Variants in MRC2 observed in about 807,000 individuals in gnomAD.
The protein encoded by MRC2 is C-type mannose receptor 2.
Under a neutral mutation model 206.2 loss-of-function variants are expected in MRC2, and 84 were observed. The ratio of observed to expected loss-of-function variants is 0.41; its 90% confidence interval spans 0.34 to 0.49. The LOEUF is 0.49. Ranked by LOEUF, MRC2 falls within the 20% of genes least tolerant of loss-of-function variation. MRC2 has a pLI of 0.31. For synonymous variants in MRC2, 798 were observed against 800.0 expected, an observed-to-expected ratio of 1.00 and a Z score of 0.04; for missense variants, 1,676 against 2,001.5, an observed-to-expected ratio of 0.84 and a Z score of 3.10.
Position 62,682,264 on chromosome 17 carries a change from G to C in MRC2, c.2833G>C (p.Ala945Pro), listed in dbSNP as rs1472277488. The C allele has an allele frequency of 6.2e-7, 1 of 1,601,618 alleles. No homozygotes were observed. Among genetic ancestry groups the C allele is most frequent in the Non-Finnish European group, 8.5e-7 (1 of 1,173,716 alleles). Residue 945 changes from alanine (A) to proline (P), a missense_variant, in exon 20 of 30, where the codon GCC (alanine) becomes CCC (proline). Ala to Pro is a conservative substitution (Grantham distance 27). Around this residue, in one of 3 missense-constraint regions of MRC2, gnomAD observed 1,354 missense variants for 1,636.6 expected, o/e 0.83. Coordinates refer to ENST00000303375, the MANE Select transcript of MRC2 (RefSeq NM_006039.5). The stretch of plus-strand genomic sequence containing the variant: ...CTGGGGGGACCAGAGGTGCCTGACA[G>C]CCTTGCCCTACATCTGCAAGCGCAG... ...EDWGDQRCLT[A>P]LPYICKRSNV...
At chr17:62,640,122 C>T (rs1273429016) in intron 1 of MRC2, among the ~76,000 whole-genome samples, 2 of 150,168 alleles carry the variant, frequency 1.3e-5, no homozygotes, top group Non-Finnish European at 3.0e-5. Flanking sequence ...CTGCCTGCCT[C>T]GGCCTCCCAA....
In MRC2 at chr17:62,675,847, A is replaced by G. The variant is rs1206645043; in HGVS notation, c.1627A>G (p.Ser543Gly). The stretch of plus-strand genomic sequence containing the variant: ...GCTGGGAGAAGACCAAGTGACCTAC[A>G]GTGAGGCCCGGCGCCTGTGCACTGA... ...YWLGEDQVTY[S>G]EARRLCTDHG... is the part of the protein sequence containing the mutation. Residue 543 changes from serine to glycine, a missense_variant, in exon 10 of 30, where the codon AGT becomes GGT. Around this residue, in one of 3 missense-constraint regions of MRC2, gnomAD observed 1,354 missense variants for 1,636.6 expected, o/e 0.83. Coordinates refer to ENST00000303375, the MANE Select transcript of MRC2 (RefSeq NM_006039.5). This position sits in a 1 kb window ranked among gnomAD's most constrained non-coding sequence, Gnocchi z 4.1. 6.2e-7 allele frequency: 1 copy of G among 1,614,130 alleles called. No individual in the cohort carries two copies. Among genetic ancestry groups the G allele is most frequent in the Admixed American group, 1.7e-5 (1 of 60,028 alleles).
chr17:62,683,510 CTTTTTTT>C (rs754026119), intron 20 of MRC2, among the ~76,000 whole-genome samples: 8 of 123,922 alleles, frequency 6.5e-5, no homozygotes, highest in African/African-American at 2.5e-4. Flanking sequence ...AAAAAAACAC[CTTTTTTT>C]TTTTTTTTTT....
intron 20 of MRC2, 88 bp downstream of exon 20, chr17:62,682,465 G>C: frequency 6.9e-7 from 1 of 1,450,184 alleles, no homozygotes; most frequent in Non-Finnish European, 9.2e-7. Context: ...TGGCCTTTTG[G>C]CAGCACCAAA....
At chr17:62,633,693 A>T (rs2953188) in intron 1 of MRC2, among the ~76,000 whole-genome samples, 92,627 of 141,426 alleles carry the variant, frequency 0.65, 30,254 homozygotes, top group East Asian at 0.79. Context: ...AAAAAAAAAA[A>T]AGCTGGGTGT....
chr17:62,666,946 C>A lies in MRC2; in HGVS notation c.973+76C>A. 9.0e-7 allele frequency: 1 copy of A among 1,114,504 alleles called. No homozygotes were observed. 69.0% of individuals were successfully genotyped at this position (1,114,504 alleles called of 1,614,324 possible). On this transcript the variant is annotated intron_variant, in intron 5 of 29. Transcript: ENST00000303375. This position sits in a 1 kb window ranked among gnomAD's most constrained non-coding sequence, Gnocchi z 5.0. ...TTGGCCTCCCATGGACTCCTCTCCT[C>A]ATGTCCTCCTGCAGAGGGGCAGTGT...
intron 1 of MRC2, among the ~76,000 whole-genome samples, chr17:62,629,670 C>T (rs2084200872): frequency 1.3e-5 from 2 of 152,242 alleles, no homozygotes; most frequent in South Asian, 2.1e-4. Flanking sequence ...TGCCAAATTC[C>T]ACTGGGCCCT....
intron 1 of MRC2, among the ~76,000 whole-genome samples, chr17:62,633,840 C>CAAAAAAAAAAAAAAAAAA: frequency 3.0e-5 from 1 of 33,892 alleles, no homozygotes; most frequent in Non-Finnish European, 5.1e-5. Flanking sequence ...GACCCTGTCT[C>CAAAAAAAAAAAAAAAAAA]AAAAAAAAAA....
At chr17:62,678,797 A>G (rs1568067323) in intron 13 of MRC2, 151 bp downstream of exon 13, 1 of 1,158,162 alleles carries the variant, frequency 8.6e-7, no homozygotes, top group East Asian at 2.6e-5. Context: ...TGGTGCCAGG[A>G]CCATCTTGTC....
chr17:62,627,802 G>T lies in MRC2; in HGVS notation c.-1G>T, dbSNP rs866996259. On this transcript the variant is annotated 5_prime_UTR_variant, in exon 1 of 30. Coordinates refer to ENST00000303375, the MANE Select transcript of MRC2 (RefSeq NM_006039.5). ...GCGTCCACTGAGCGCCGCGCTCGGG[G>T]ATGGGGCCCGGCCGGCCGGCCCCCG... The T allele has an allele frequency of 1.8e-5, 26 of 1,433,462 alleles. No individual in the cohort carries two copies. Among genetic ancestry groups the T allele is most frequent in the Non-Finnish European group, 2.3e-5 (25 of 1,102,352 alleles). The allele number at this position is 1,433,462 out of a possible 1,614,324, so 88.8% of individuals were successfully genotyped here.
At chr17:62,628,121 T>C (rs1489422965) in intron 1 of MRC2, among the ~76,000 whole-genome samples, 1 of 123,146 alleles carries the variant, frequency 8.1e-6, no homozygotes, top group Non-Finnish European at 1.8e-5. Context: ...CGCCTAGAGG[T>C]GGGGGAGGAC....
At chr17:62,638,711 C>T (rs1204478750) in intron 1 of MRC2, among the ~76,000 whole-genome samples, 3 of 148,340 alleles carry the variant, frequency 2.0e-5, no homozygotes, top group Non-Finnish European at 3.0e-5. Flanking sequence ...GCACTCCAGC[C>T]TGGGTGACAG....
intron 26 of MRC2, 100 bp from the exon 27 acceptor site, chr17:62,690,542 C>T: frequency 6.7e-7 from 1 of 1,502,042 alleles, no homozygotes. Flanking sequence ...TCCACACCAT[C>T]CTCTACTCAG....
At chr17:62,629,722 G>T (rs1455998140) in intron 1 of MRC2, among the ~76,000 whole-genome samples, 1 of 152,240 alleles carries the variant, frequency 6.6e-6, no homozygotes, top group Non-Finnish European at 1.5e-5. Flanking sequence ...CGAATTCCTT[G>T]CCCGAAGAGC....
intron 28 of MRC2, 121 bp downstream of exon 28, chr17:62,691,249 C>CTTCT: frequency 8.5e-7 from 1 of 1,175,854 alleles, no homozygotes; most frequent in Non-Finnish European, 1.2e-6. Context: ...CTGAACAGAA[C>CTTCT]GGACTGCGGG....
chr17:62,686,636 C>T (rs576587820), intron 20 of MRC2, among the ~76,000 whole-genome samples: 13 of 152,316 alleles, frequency 8.5e-5, no homozygotes, highest in African/African-American at 2.2e-4. Context: ...GGCAGGGCCA[C>T]TAGCACCTGC....
Position 62,674,648 on chromosome 17 carries a change from C to T in MRC2, c.1569+478C>T, listed in dbSNP as rs567398748. 6.2e-4 allele frequency among the ~76,000 whole-genome samples: 95 copies of T among 152,224 alleles called. 1 individual carries two copies. The highest frequency in any genetic ancestry group is 2.2e-3 in the African/African-American group (92 of 41,530). On this transcript the variant is annotated intron_variant, in intron 9 of 29. Transcript: ENST00000303375. Reference sequence around the variant, plus strand: ...ACTCAGGGTGGGGCTGCACCTTCCCCCTCCTTGTGTTCCCAGCCCCAGTGG... The same window carrying T: ...ACTCAGGGTGGGGCTGCACCTTCCCTCTCCTTGTGTTCCCAGCCCCAGTGG...
At chr17:62,655,999 C>T (rs2147454432) in intron 1 of MRC2, among the ~76,000 whole-genome samples, 1 of 152,266 alleles carries the variant, frequency 6.6e-6, no homozygotes, top group East Asian at 1.9e-4. Flanking sequence ...AGTTATTCCT[C>T]CTGCCTCAGA....
intron 1 of MRC2, among the ~76,000 whole-genome samples, chr17:62,645,612 C>A (rs1213135744): frequency 7.1e-6 from 1 of 140,794 alleles, no homozygotes; most frequent in Non-Finnish European, 1.5e-5. Context: ...TGGCTCACTG[C>A]AGCCTCAATC....
Sources: allele counts gnomAD v4.1 joint callset (sites outside exome capture counted in the v4.1 genomes callset), GRCh38; gene constraint gnomAD v4.1.1; regional missense constraint gnomAD v4.1.1; non-coding constraint Gnocchi (gnomAD v3.1); transcripts MANE v1.5; gene names NCBI Gene and HGNC (gene_info 2026-07-23, HGNC 2026-07-21).